The following SLCO3A1 variants were observed in gnomAD, a reference collection of about 807,000 sequenced individuals.
The protein encoded by SLCO3A1 is solute carrier organic anion transporter family member 3A1.
In SLCO3A1, 27 loss-of-function variants were observed where a neutral mutation model predicts 63.1. The ratio of observed to expected loss-of-function variants is 0.43; its 90% confidence interval spans 0.32 to 0.59. SLCO3A1 has a LOEUF of 0.59. Among genes scored for constraint, SLCO3A1 ranks in the 20% least tolerant of loss-of-function variants. The pLI is 0.09. For missense variants in SLCO3A1, 773 were observed against 945.8 expected (o/e 0.82, Z 2.40); for synonymous variants, 473 against 409.9 (o/e 1.15, Z -1.86).
intron 2 of SLCO3A1, among the ~76,000 whole-genome samples, chr15:91,951,831 A>G (rs1379377254): frequency 6.6e-6 from 1 of 152,100 alleles, no homozygotes; most frequent in Non-Finnish European, 1.5e-5. Context: ...TTGGGATTAT[A>G]GGCGTGAGCC....
At chr15:91,899,181 T>G (rs1183904422) in intron 1 of SLCO3A1, among the ~76,000 whole-genome samples, 1 of 152,214 alleles carries the variant, frequency 6.6e-6, no homozygotes, top group East Asian at 1.9e-4. Context: ...ACTTGAGTGA[T>G]TCCTAAATAT....
rs147722275 is a variant in SLCO3A1, at chr15:92,012,172, G to C, written c.647-82709G>C. ...ATAATCAGTGCCGTTTATTGCATGA[G>C]TGCATCTTCTGCTGTCCTTGTTGCC... On this transcript the variant is annotated intron_variant, in intron 2 of 9. Transcript: ENST00000318445. 2.7e-3 allele frequency among the ~76,000 whole-genome samples: 405 copies of C among 152,348 alleles called. 3 individuals are homozygous for C. Among genetic ancestry groups the C allele is most frequent in the African/African-American group, 9.1e-3 (380 of 41,588 alleles).
In SLCO3A1 at chr15:92,057,202, G is replaced by A. The variant is rs144423694; in HGVS notation, c.647-37679G>A. 1.7e-3 allele frequency among the ~76,000 whole-genome samples: 264 copies of A among 152,316 alleles called. 1 individual carries two copies. The highest frequency in any genetic ancestry group is 6.1e-3 in the African/African-American group (252 of 41,564). ...GGGCCTGATTGCCACCTGGACTGCCGGTAAGAAGGCTGGAACTCGGGCAAG... is the reference window on the plus strand; with the variant it reads ...GGGCCTGATTGCCACCTGGACTGCCAGTAAGAAGGCTGGAACTCGGGCAAG... On this transcript the variant is annotated intron_variant, in intron 2 of 9. Coordinates refer to ENST00000318445, the MANE Select transcript of SLCO3A1 (RefSeq NM_013272.4).
chr15:92,102,196 G>A (rs2047613510), intron 3 of SLCO3A1, among the ~76,000 whole-genome samples: 3 of 152,042 alleles, frequency 2.0e-5, no homozygotes, highest in African/African-American at 7.2e-5. Flanking sequence ...CTTGGCAGCA[G>A]GTGAAGAAAC....
intron 2 of SLCO3A1, among the ~76,000 whole-genome samples, chr15:91,921,480 A>G (rs1366803027): frequency 6.6e-6 from 1 of 152,190 alleles, no homozygotes; most frequent in East Asian, 1.9e-4. Flanking sequence ...CCTCTTTGCC[A>G]AAAGTTTTCG....
intron 2 of SLCO3A1, among the ~76,000 whole-genome samples, chr15:92,030,484 C>T (rs2046633261): frequency 1.3e-5 from 2 of 152,178 alleles, no homozygotes. Flanking sequence ...ACTATGCCGT[C>T]TAAGACAGAT....
intron 2 of SLCO3A1, among the ~76,000 whole-genome samples, chr15:92,089,755 T>C (rs1462497221): frequency 6.6e-6 from 1 of 152,170 alleles, no homozygotes; most frequent in African/African-American, 2.4e-5. Flanking sequence ...CAGGAAGTCT[T>C]GCTGGAGGTC....
Position 92,067,325 on chromosome 15 carries a change from G to A in SLCO3A1, c.647-27556G>A, listed in dbSNP as rs533998525. 7.9e-5 allele frequency among the ~76,000 whole-genome samples: 12 copies of A among 152,302 alleles called. No homozygotes were observed. In the East Asian group the frequency reaches 1.2e-3, roughly 15 times the overall value. ...CGATCCCCTCCTCCCTCTGCTTCCC[G>A]TGTGGTTTCTTCAGCCTGGGCTGCC... On this transcript the variant is annotated intron_variant, in intron 2 of 9. Coordinates refer to ENST00000318445, the MANE Select transcript of SLCO3A1 (RefSeq NM_013272.4).
At chr15:92,029,264 C>T (rs1347269007) in intron 2 of SLCO3A1, among the ~76,000 whole-genome samples, 2 of 152,266 alleles carry the variant, frequency 1.3e-5, no homozygotes, top group Non-Finnish European at 2.9e-5. Flanking sequence ...CCTGAGGTTG[C>T]CAAATTTAGG....
chr15:92,016,246 TAGATAGATTAGATAGATAGA>T (rs2046429874), intron 2 of SLCO3A1, among the ~76,000 whole-genome samples: 1 of 52,858 alleles, frequency 1.9e-5, no homozygotes, highest in Non-Finnish European at 3.3e-5. Context: ...GATAGATAGA[TAGATAGATTAGATAGATAGA>T]TAGATAGATA....
At chr15:91,918,650 C>T (rs1898740037) in intron 2 of SLCO3A1, among the ~76,000 whole-genome samples, 1 of 152,096 alleles carries the variant, frequency 6.6e-6, no homozygotes, top group South Asian at 2.1e-4. Flanking sequence ...ATTGTATGAG[C>T]TATAAAAAAA....
rs1900735263 is a variant in SLCO3A1 at position 91,968,378 on chromosome 15, C to T, written c.646+51920C>T. ...CTCAAGTAGATTCTGCTGAGTTCTG[C>T]TTGGACTGGTAAGCACAGAGAGTGA... On this transcript the variant is annotated intron_variant, in intron 2 of 9. Coordinates refer to ENST00000318445, the MANE Select transcript of SLCO3A1 (RefSeq NM_013272.4). The surrounding 1 kb of genome is among the most constrained non-coding windows in gnomAD (Gnocchi z 4.2). Among the ~76,000 whole-genome samples the T allele has an allele frequency of 6.6e-6, 1 of 152,058 alleles. No individual in the cohort carries two copies. Among genetic ancestry groups the T allele is most frequent in the African/African-American group, 2.4e-5 (1 of 41,398 alleles).
chr15:92,078,195 C>G (rs1219001633), intron 2 of SLCO3A1, among the ~76,000 whole-genome samples: 1 of 152,212 alleles, frequency 6.6e-6, no homozygotes, highest in African/African-American at 2.4e-5. Flanking sequence ...GAGTGAACAC[C>G]TGAGCATGCT....
At chr15:91,908,527 G>A (rs1898382723) in intron 1 of SLCO3A1, 1 of 152,100 alleles carries the variant, frequency 6.6e-6, no homozygotes, top group Non-Finnish European at 1.5e-5. Flanking sequence ...ATTCACAAGT[G>A]AATGCATTTT....
intron 1 of SLCO3A1, among the ~76,000 whole-genome samples, chr15:91,879,497 G>A (rs1897496853): frequency 6.7e-6 from 1 of 149,888 alleles, no homozygotes; most frequent in Admixed American, 6.7e-5. Context: ...GAATGGTGTG[G>A]GTATACAACC....
Position 91,857,824 on chromosome 15 carries a change from A to G in SLCO3A1, c.180+3736A>G, listed in dbSNP as rs149287422. ...CTTCTAGATGATTAGTTTGAGGCAT[A>G]CATACAAATACATTTGAATTTCCTC... On this transcript the variant is annotated intron_variant, in intron 1 of 9. Coordinates refer to ENST00000318445, the MANE Select transcript of SLCO3A1 (RefSeq NM_013272.4). 8.5e-5 allele frequency among the ~76,000 whole-genome samples: 13 copies of G among 152,348 alleles called. No individual in the cohort carries two copies. In the East Asian group the frequency reaches 2.5e-3, roughly 29 times the overall value.
chr15:92,103,395 G>A (rs1199621238), intron 3 of SLCO3A1, among the ~76,000 whole-genome samples: 1 of 152,134 alleles, frequency 6.6e-6, no homozygotes, highest in Non-Finnish European at 1.5e-5. Context: ...GACTTAGCTG[G>A]CACAATAAAA....
chr15:92,114,710 T>C (rs180694762), intron 4 of SLCO3A1, among the ~76,000 whole-genome samples: 2 of 152,334 alleles, frequency 1.3e-5, no homozygotes, highest in Admixed American at 1.3e-4. Context: ...CTCTTCTGTC[T>C]GTGGGTCTCA....
chr15:92,146,543 A>G (rs1457796670), intron 7 of SLCO3A1, among the ~76,000 whole-genome samples: 2 of 152,134 alleles, frequency 1.3e-5, no homozygotes, highest in Admixed American at 1.3e-4. Flanking sequence ...GCACTCCACC[A>G]GCAACAATAT....
Sources: gnomAD v4.1 joint callset for allele counts (sites outside exome capture counted in the v4.1 genomes callset) on GRCh38, gnomAD v4.1.1 for gene constraint, Gnocchi (gnomAD v3.1) non-coding constraint, MANE v1.5 for transcripts, NCBI Gene and HGNC (gene_info 2026-07-23, HGNC 2026-07-21) for gene names.